The following PCGF5 variants were observed in gnomAD, a reference collection of about 807,000 sequenced individuals.
PCGF5 encodes the protein polycomb group RING finger protein 5.
PCGF5 carries 9 observed loss-of-function variants against 44.3 expected under a neutral mutation model. The observed-to-expected ratio is 0.20, with a 90% CI of 0.12 to 0.35. The LOEUF (loss-of-function observed/expected upper bound fraction) is 0.35, where lower values mean the gene tolerates loss of function less well. Ranked by LOEUF, PCGF5 falls within the 10% of genes least tolerant of loss-of-function variation. The probability of loss-of-function intolerance (pLI) is 1.00; values close to 1 mark genes in which losing one functional copy is unlikely to be tolerated. For synonymous variants in PCGF5, 95 were observed against 102.5 expected, an observed-to-expected ratio of 0.93 and a Z score of 0.44; for missense variants, 146 against 305.3, an observed-to-expected ratio of 0.48 and a Z score of 3.89.
upstream of PCGF5, among the ~76,000 whole-genome samples, chr10:91,161,640 A>T (rs1843384673): frequency 6.6e-6 from 1 of 152,208 alleles, no homozygotes; most frequent in Non-Finnish European, 1.5e-5. Context: ...GCCCATTATG[A>T]GTATGGAGGG....
chr10:91,163,742 C>T (rs1267972341), intron 1 of PCGF5, among the ~76,000 whole-genome samples: 1 of 151,650 alleles, frequency 6.6e-6, no homozygotes, highest in Non-Finnish European at 1.5e-5. Context: ...TGGCCTTCCG[C>T]GAGTGGCAGG....
At chr10:91,232,866 G>A (rs1845048769) in intron 2 of PCGF5, among the ~76,000 whole-genome samples, 1 of 152,196 alleles carries the variant, frequency 6.6e-6, no homozygotes, top group African/African-American at 2.4e-5. Flanking sequence ...AAGCGTAATG[G>A]ACTTGGGGCA....
intron 1 of PCGF5, among the ~76,000 whole-genome samples, chr10:91,221,158 C>A (rs1844665784): frequency 6.6e-6 from 1 of 152,138 alleles, no homozygotes; most frequent in Non-Finnish European, 1.5e-5. Context: ...AGGGCTGTAC[C>A]GCTGGGTCCT....
At chr10:91,166,897 T>TTA (rs770691395) in intron 1 of PCGF5, among the ~76,000 whole-genome samples, 1 of 152,216 alleles carries the variant, frequency 6.6e-6, no homozygotes, top group Non-Finnish European at 1.5e-5. Flanking sequence ...ACTGCTATAG[T>TTA]TATGACTACA....
chr10:91,264,838 A>C lies in PCGF5; in HGVS notation c.663+318A>C, dbSNP rs573215583. 1.8e-4 allele frequency among the ~76,000 whole-genome samples: 27 copies of C among 152,236 alleles called. No homozygotes were observed. In the East Asian group the frequency reaches 3.9e-3, roughly 22 times the overall value. ...GTTGTTGGAACATTTATGTATATGGAATGGGAGTGGGGGAAACTTAAGTTC... is the reference window on the plus strand; with the variant it reads ...GTTGTTGGAACATTTATGTATATGGCATGGGAGTGGGGGAAACTTAAGTTC... On this transcript the variant is annotated intron_variant, in intron 8 of 9. Transcript: ENST00000336126.
Position 91,283,415 on chromosome 10 carries a change from G to A in PCGF5, c.*5099G>A, listed in dbSNP as rs566899757. 43 of 152,278 alleles carry A rather than the reference G, an allele frequency of 2.8e-4. No homozygotes were observed. The highest frequency in any genetic ancestry group is 3.4e-3 in the Middle Eastern group (1 of 294). The allele number at this position is 152,278 out of a possible 1,614,324, so 9.4% of individuals were successfully genotyped here. A position where few individuals can be genotyped will look rare whatever the true frequency, so the allele number is the denominator to read the frequency against. On this transcript the variant is annotated 3_prime_UTR_variant, in exon 10 of 10. Coordinates refer to ENST00000336126, the MANE Select transcript of PCGF5 (RefSeq NM_032373.5). ...TTTAAATCTAGAATCAAGTGAAACAGATATGTTAAATACTGAGTCTAGTTT... is the reference window on the plus strand; with the variant it reads ...TTTAAATCTAGAATCAAGTGAAACAAATATGTTAAATACTGAGTCTAGTTT...
At chr10:91,245,082 A>G (rs11186517) in intron 3 of PCGF5, among the ~76,000 whole-genome samples, 12,800 of 152,192 alleles carry the variant, frequency 0.084, 995 homozygotes, top group East Asian at 0.36. Context: ...TAAAGGACCA[A>G]GGATTGAGCC....
chr10:91,216,391 G>A (rs1188845641), upstream of PCGF5, among the ~76,000 whole-genome samples: 1 of 152,150 alleles, frequency 6.6e-6, no homozygotes, highest in Non-Finnish European at 1.5e-5. Flanking sequence ...TAGCTAGAGA[G>A]TAAAGAGGTA....
chr10:91,238,601 C>CTTTCTTTCTTTCTT (rs1564644969), intron 2 of PCGF5, among the ~76,000 whole-genome samples: 2 of 58,482 alleles, frequency 3.4e-5, no homozygotes, highest in African/African-American at 1.4e-4. Context: ...TTCTTTCTTT[C>CTTTCTTTCTTTCTT]TTTTTTTTTT....
At chr10:91,193,674 T>A (rs902741325) in intron 1 of PCGF5, among the ~76,000 whole-genome samples, 1 of 151,640 alleles carries the variant, frequency 6.6e-6, no homozygotes, top group Non-Finnish European at 1.5e-5. Flanking sequence ...AGCTAGGGAG[T>A]CATTGCAGCA....
At chr10:91,179,263 G>A (rs764658187) in intron 1 of PCGF5, among the ~76,000 whole-genome samples, 24 of 152,132 alleles carry the variant, frequency 1.6e-4, no homozygotes, top group Non-Finnish European at 3.1e-4. Context: ...GAGAGACATG[G>A]GAGAGGTGAG....
intron 6 of PCGF5, among the ~76,000 whole-genome samples, chr10:91,254,380 G>A (rs935351838): frequency 2.4e-4 from 36 of 151,950 alleles, no homozygotes; most frequent in Non-Finnish European, 5.1e-4. Flanking sequence ...TCAAGACCCA[G>A]AGATTTTTAT....
chr10:91,194,037 C>T (rs1844082611), intron 1 of PCGF5, among the ~76,000 whole-genome samples: 1 of 152,118 alleles, frequency 6.6e-6, no homozygotes, highest in Non-Finnish European at 1.5e-5. Context: ...ATGCAGAAAA[C>T]TTTGGGTGGA....
At chr10:91,235,340 GT>G (rs1845130659) in intron 2 of PCGF5, among the ~76,000 whole-genome samples, 1 of 152,104 alleles carries the variant, frequency 6.6e-6, no homozygotes, top group Admixed American at 6.5e-5. Context: ...CAACAACCTG[GT>G]TCAAATCTAA....
intron 7 of PCGF5, 65 bp downstream of exon 7, chr10:91,261,489 A>G (rs1191988278): frequency 1.5e-6 from 2 of 1,338,306 alleles, no homozygotes; most frequent in Admixed American, 3.0e-5. Context: ...AATTCTAACA[A>G]AAGTGAAAAC....
At chr10:91,218,826 C>T (rs1300375189), upstream of PCGF5, among the ~76,000 whole-genome samples, 4 of 152,036 alleles carry the variant, frequency 2.6e-5, no homozygotes, top group Admixed American at 6.5e-5. Flanking sequence ...GATGGGGTTT[C>T]GCCATATTGG....
chr10:91,189,664 A>G (rs979391015), intron 1 of PCGF5, among the ~76,000 whole-genome samples: 10 of 152,254 alleles, frequency 6.6e-5, no homozygotes, highest in African/African-American at 2.2e-4. Context: ...ATACATAAAT[A>G]TTAAATATCT....
upstream of PCGF5, among the ~76,000 whole-genome samples, chr10:91,159,551 C>A (rs1327371699): frequency 6.6e-6 from 1 of 152,176 alleles, no homozygotes; most frequent in Non-Finnish European, 1.5e-5. Flanking sequence ...AGGCCCTCAG[C>A]CAACCCCTGA....
chr10:91,161,377 C>T (rs1364305604), upstream of PCGF5, among the ~76,000 whole-genome samples: 2 of 152,168 alleles, frequency 1.3e-5, no homozygotes, highest in East Asian at 3.9e-4. Flanking sequence ...CTGCAAGCAG[C>T]GCATCGGAGA....
Sources: allele counts gnomAD v4.1 joint callset (sites outside exome capture counted in the v4.1 genomes callset), GRCh38; gene constraint gnomAD v4.1.1; transcripts MANE v1.5; gene names NCBI Gene and HGNC (gene_info 2026-07-23, HGNC 2026-07-21).